The following SGCZ variants were observed in gnomAD, a reference collection of about 807,000 sequenced individuals.
The protein encoded by SGCZ is sarcoglycan zeta.
Under a neutral mutation model 41.3 loss-of-function variants are expected in SGCZ, and 40 were observed. The observed-to-expected ratio is 0.97, with a 90% CI of 0.75 to 1.26. SGCZ has a LOEUF of 1.26. Among genes scored for constraint, SGCZ ranks in the 50% most tolerant of loss-of-function variants. The pLI is 0.00. For synonymous variants in SGCZ, 206 were observed against 137.5 expected, an observed-to-expected ratio of 1.50 and a Z score of -3.49; for missense variants, 552 against 369.8, an observed-to-expected ratio of 1.49 and a Z score of -4.04.
intron 2 of SGCZ, among the ~76,000 whole-genome samples, chr8:14,455,691 G>A (rs1179893616): frequency 6.6e-6 from 1 of 152,098 alleles, no homozygotes; most frequent in Non-Finnish European, 1.5e-5. Context: ...AAATATTAGA[G>A]GCAATGCAAA....
At chr8:14,429,583 C>A (rs898830) in intron 2 of SGCZ, among the ~76,000 whole-genome samples, 133,879 of 152,178 alleles carry the variant, frequency 0.88, 59,477 homozygotes, top group Non-Finnish European at 0.94. Flanking sequence ...CTGAATATGA[C>A]CTTATTTGTA....
chr8:14,361,647 TTTG>T (rs1224735608), intron 2 of SGCZ, among the ~76,000 whole-genome samples: 1 of 152,176 alleles, frequency 6.6e-6, no homozygotes, highest in Non-Finnish European at 1.5e-5. Context: ...CTCAGAGAAG[TTTG>T]TTATTACCGA....
chr8:14,548,458 AC>A (rs1158669452), intron 2 of SGCZ, among the ~76,000 whole-genome samples: 1 of 152,196 alleles, frequency 6.6e-6, no homozygotes, highest in East Asian at 1.9e-4. Context: ...CATATAAAAA[AC>A]ATCCTGATTT....
chr8:14,409,416 A>G lies in SGCZ; in HGVS notation c.235-85212T>C, dbSNP rs374616839. On this transcript the variant is annotated intron_variant, in intron 2 of 7. Coordinates refer to ENST00000382080, the MANE Select transcript of SGCZ (RefSeq NM_139167.4). ...ATCGTATCATTAAGTAAATATTTCA[A>G]TATCCTCTATTTTGGTCAGCTTAGA... Among the ~76,000 whole-genome samples the G allele has an allele frequency of 6.6e-5, 10 of 152,246 alleles. No individual in the cohort carries two copies. The South Asian group carries it at 1.0e-3, about 16-fold the overall frequency.
chr8:14,228,836 A>G (rs1166444633), intron 4 of SGCZ, among the ~76,000 whole-genome samples: 2 of 152,266 alleles, frequency 1.3e-5, no homozygotes, highest in African/African-American at 2.4e-5. Context: ...TTTGTCTGGA[A>G]AAGGAAAAAT....
At chr8:14,943,926 G>T (rs767696765) in intron 1 of SGCZ, among the ~76,000 whole-genome samples, 12 of 151,992 alleles carry the variant, frequency 7.9e-5, no homozygotes, top group Non-Finnish European at 1.3e-4. Flanking sequence ...TTTTTTATGG[G>T]TGTGTAGTAT....
Position 14,797,722 on chromosome 8 carries a change from C to A in SGCZ, c.40-242796G>T, listed in dbSNP as rs547766007. Among the ~76,000 whole-genome samples, 5 of 152,260 alleles carry A rather than the reference C, an allele frequency of 3.3e-5. No individual in the cohort carries two copies. The South Asian group carries it at 1.0e-3, about 32-fold the overall frequency. ...TGTGGCAGCCCCTCCCATCACAGGC[C>A]CTGAGGCCTAGGAGGAAATAATGGT... On this transcript the variant is annotated intron_variant, in intron 1 of 7. Transcript: ENST00000382080.
chr8:14,268,392 T>G (rs1416791234), intron 3 of SGCZ, among the ~76,000 whole-genome samples: 1 of 151,124 alleles, frequency 6.6e-6, no homozygotes, highest in African/African-American at 2.4e-5. Context: ...TCTTTAACAT[T>G]GCTTCATACC....
intron 4 of SGCZ, among the ~76,000 whole-genome samples, chr8:14,208,322 T>A (rs936897005): frequency 6.6e-6 from 1 of 152,206 alleles, no homozygotes; most frequent in East Asian, 1.9e-4. Flanking sequence ...ATTAATTGCA[T>A]TGATTTGAAG....
chr8:14,538,337 C>G lies in SGCZ; in HGVS notation c.234+16395G>C, dbSNP rs1803358388. Among the ~76,000 whole-genome samples the G allele has an allele frequency of 2.0e-5, 3 of 151,944 alleles. No homozygotes were observed. In the South Asian group the frequency reaches 6.2e-4, roughly 32 times the overall value. ...TGAGAATAGAAATATAAATAACACA[C>G]AGGGCTTGTTTTAAGAAACTCTACA... On this transcript the variant is annotated intron_variant, in intron 2 of 7. Transcript: ENST00000382080.
intron 2 of SGCZ, among the ~76,000 whole-genome samples, chr8:14,445,718 C>A (rs1455277809): frequency 6.6e-6 from 1 of 152,196 alleles, no homozygotes; most frequent in Non-Finnish European, 1.5e-5. Context: ...TATTCATGGT[C>A]ACTGGCAGAG....
At chr8:15,098,490 T>C (rs1214110608) in intron 1 of SGCZ, among the ~76,000 whole-genome samples, 1 of 152,226 alleles carries the variant, frequency 6.6e-6, no homozygotes, top group Non-Finnish European at 1.5e-5. Flanking sequence ...CTAACTCTTT[T>C]GCTCCACAAT....
At chr8:15,111,270 C>T (rs563296280) in intron 1 of SGCZ, among the ~76,000 whole-genome samples, 14 of 152,138 alleles carry the variant, frequency 9.2e-5, no homozygotes, top group Non-Finnish European at 1.3e-4. Context: ...CCCATTTCCA[C>T]GGCTGGGTAA....
intron 2 of SGCZ, among the ~76,000 whole-genome samples, chr8:14,426,117 T>C (rs987659524): frequency 3.9e-5 from 6 of 152,194 alleles, no homozygotes; most frequent in African/African-American, 1.4e-4. Context: ...GCCTGGTCTA[T>C]TCCAGGTACC....
At chr8:14,646,817 A>G (rs771347729) in intron 1 of SGCZ, among the ~76,000 whole-genome samples, 1 of 152,100 alleles carries the variant, frequency 6.6e-6, no homozygotes, top group East Asian at 1.9e-4. Flanking sequence ...TTTGGCACCA[A>G]TAATACACCA....
chr8:14,168,205 A>G (rs1263837865), intron 4 of SGCZ, among the ~76,000 whole-genome samples: 1 of 152,192 alleles, frequency 6.6e-6, no homozygotes, highest in Admixed American at 6.5e-5. Context: ...TGAGATTCAA[A>G]ATTACCAACT....
intron 1 of SGCZ, among the ~76,000 whole-genome samples, chr8:15,010,774 G>A (rs917758153): frequency 1.3e-5 from 2 of 152,112 alleles, no homozygotes; most frequent in Non-Finnish European, 2.9e-5. Flanking sequence ...TCAGAAGAAC[G>A]CCAGATACCT....
chr8:14,542,488 A>ATTTT (rs1803499822), intron 2 of SGCZ, among the ~76,000 whole-genome samples: 1 of 152,028 alleles, frequency 6.6e-6, no homozygotes. Flanking sequence ...CTTTAACTAA[A>ATTTT]TTTTCTATCC....
intron 2 of SGCZ, among the ~76,000 whole-genome samples, chr8:14,497,594 G>T (rs1319496688): frequency 6.6e-6 from 1 of 150,822 alleles, no homozygotes; most frequent in Non-Finnish European, 1.5e-5. Context: ...GTGTGTGTGT[G>T]AGAGAGAGAG....
Sources: allele counts gnomAD v4.1 joint callset (sites outside exome capture counted in the v4.1 genomes callset), GRCh38; gene constraint gnomAD v4.1.1; transcripts MANE v1.5; gene names NCBI Gene and HGNC (gene_info 2026-07-23, HGNC 2026-07-21).